The following AGTPBP1 variants were observed in gnomAD, a reference collection of about 807,000 sequenced individuals.
AGTPBP1 encodes cytosolic carboxypeptidase 1.
A neutral mutation model predicts 143.9 loss-of-function variants in AGTPBP1; 70 were observed. The observed-to-expected ratio is 0.49, with a 90% CI of 0.40 to 0.59. The LOEUF (loss-of-function observed/expected upper bound fraction) is 0.59. Ranked by LOEUF, AGTPBP1 falls within the 20% of genes least tolerant of loss-of-function variation. The pLI, the probability that AGTPBP1 is intolerant of heterozygous loss-of-function variation, is 0.00. For missense variants in AGTPBP1, 1,229 were observed against 1,464.5 expected (o/e 0.84, Z 2.62); for synonymous variants, 463 against 500.2 (o/e 0.93, Z 0.99).
rs574311896 is a variant in AGTPBP1, at chr9:85,652,101, C to T, written c.1087+3042G>A. Among the ~76,000 whole-genome samples, 178 of 152,286 alleles carry T rather than the reference C, an allele frequency of 1.2e-3. 1 individual carries two copies. The highest frequency in any genetic ancestry group is 3.4e-3 in the Middle Eastern group (1 of 294). ...GACAGTTGGAACTTCAGCCCCACTC[C>T]TCAACCTCTGGGGAGAGAGGAGCTG... On this transcript the variant is annotated intron_variant, in intron 11 of 25. Coordinates refer to ENST00000357081, the MANE Select transcript of AGTPBP1 (RefSeq NM_001330701.2).
chr9:85,608,776 T>C (rs1461375946), intron 17 of AGTPBP1, among the ~76,000 whole-genome samples: 1 of 151,458 alleles, frequency 6.6e-6, no homozygotes, highest in Non-Finnish European at 1.5e-5. Flanking sequence ...AAAACAGAAA[T>C]ATTACAAACT....
Position 85,678,348 on chromosome 9 carries a change from C to T in AGTPBP1, c.276G>A (p.Glu92=), listed in dbSNP as rs371158632. Residue 92 remains glutamate, a synonymous_variant, in exon 5 of 26, where the codon GAG becomes GAA. Transcript: ENST00000357081. ...TTLNILSILV[E]LVSAGGGRRV... ...ACAAAAACTTACCAGCTGACACCAG[C>T]TCAACAAGAATGCTTAAGATATTAA... 1.9e-6 allele frequency: 3 copies of T among 1,595,484 alleles called. No homozygotes were observed. Among genetic ancestry groups the T allele is most frequent in the Non-Finnish European group, 2.6e-6 (3 of 1,168,400 alleles).
chr9:85,735,044 T>A (rs1839150957), intron 1 of AGTPBP1, among the ~76,000 whole-genome samples: 1 of 152,016 alleles, frequency 6.6e-6, no homozygotes, highest in Admixed American at 6.6e-5. Context: ...AAAAAAATTT[T>A]AAAAATAAAT....
intron 17 of AGTPBP1, among the ~76,000 whole-genome samples, chr9:85,616,725 T>C (rs1830622894): frequency 6.6e-6 from 1 of 151,964 alleles, no homozygotes; most frequent in Admixed American, 6.5e-5. Flanking sequence ...TCTTTACTTA[T>C]TTTAATATAC....
chr9:85,767,505 G>A, the AGTPBP1 span, among the ~76,000 whole-genome samples: 1 of 152,100 alleles, frequency 6.6e-6, no homozygotes, highest in Non-Finnish European at 1.5e-5. Flanking sequence ...ACGCCATCAT[G>A]CTTGGCTAGT....
chr9:85,621,179 A>G (rs762321692), intron 15 of AGTPBP1, 23 bp downstream of exon 15: 1 of 1,329,218 alleles, frequency 7.5e-7, no homozygotes, highest in African/African-American at 1.5e-5. Flanking sequence ...AACTAATAAA[A>G]GTTCATTAAA....
At chr9:85,610,304 G>C (rs1307945698) in intron 17 of AGTPBP1, among the ~76,000 whole-genome samples, 1 of 149,952 alleles carries the variant, frequency 6.7e-6, no homozygotes, top group Non-Finnish European at 1.5e-5. Context: ...TCCAAGTAAT[G>C]GGGGGGTAAG....
At chr9:85,764,981 T>A in the AGTPBP1 span, 18 of 731,692 alleles carry the variant, frequency 2.5e-5, no homozygotes, top group Middle Eastern at 2.4e-4. Flanking sequence ...CTTGAGTGAT[T>A]TCCTCAGTCT....
intron 18 of AGTPBP1, among the ~76,000 whole-genome samples, chr9:85,593,244 A>G (rs1176526118): frequency 6.6e-6 from 1 of 152,218 alleles, no homozygotes. Context: ...CTAACAGTTT[A>G]TAGGAAATTG....
rs111464082 is a variant in AGTPBP1, at chr9:85,720,857, C to T, written c.-33-8291G>A. ...TAAATGTGTCCCAGAGATTCTGGTA[C>T]GTTGTGTCTTTGTTCTCATTGGTTT... is the stretch of plus-strand genomic sequence containing the variant. On this transcript the variant is annotated intron_variant, in intron 1 of 25. Coordinates refer to ENST00000357081, the MANE Select transcript of AGTPBP1 (RefSeq NM_001330701.2). Among the ~76,000 whole-genome samples, 61 of 152,228 alleles carry T rather than the reference C, an allele frequency of 4.0e-4. 1 individual carries two copies. Among genetic ancestry groups the T allele is most frequent in the African/African-American group, 1.3e-3 (53 of 41,550 alleles).
At chr9:85,711,809 A>G (rs1837394771) in intron 2 of AGTPBP1, among the ~76,000 whole-genome samples, 1 of 152,150 alleles carries the variant, frequency 6.6e-6, no homozygotes, top group African/African-American at 2.4e-5. Flanking sequence ...CCCTGTCATA[A>G]CTACTCGAAT....
intron 24 of AGTPBP1, among the ~76,000 whole-genome samples, chr9:85,577,561 A>T (rs1827975734): frequency 6.6e-6 from 1 of 152,168 alleles, no homozygotes; most frequent in Admixed American, 6.5e-5. Context: ...ACTAGAAGTC[A>T]CTGTTTTTAC....
intron 13 of AGTPBP1, 22 bp from the exon 14 acceptor site, chr9:85,633,396 T>G: frequency 1.4e-6 from 2 of 1,449,462 alleles, no homozygotes; most frequent in Non-Finnish European, 1.9e-6. Context: ...AAAACATGTT[T>G]AATCTTTTAA....
chr9:85,711,687 G>A (rs542626723), intron 2 of AGTPBP1, among the ~76,000 whole-genome samples: 9 of 151,818 alleles, frequency 5.9e-5, no homozygotes, highest in African/African-American at 1.4e-4. Context: ...TGACCCACCC[G>A]CCTCGACCTC....
At chr9:85,745,034 C>T (rs1411111776), upstream of AGTPBP1, among the ~76,000 whole-genome samples, 1 of 152,204 alleles carries the variant, frequency 6.6e-6, no homozygotes, top group Non-Finnish European at 1.5e-5. Flanking sequence ...ATTCATTTAA[C>T]TTGGATTCCT....
At chr9:85,769,365 C>G in the AGTPBP1 span, among the ~76,000 whole-genome samples, 1 of 151,750 alleles carries the variant, frequency 6.6e-6, no homozygotes, top group African/African-American at 2.4e-5. Flanking sequence ...TTTGTATCAC[C>G]AACATAACAT....
the AGTPBP1 span, among the ~76,000 whole-genome samples, chr9:85,787,192 G>T: frequency 6.6e-6 from 1 of 152,068 alleles, no homozygotes; most frequent in African/African-American, 2.4e-5. Flanking sequence ...AATTTATAAT[G>T]CTATCTTTTT....
chr9:85,605,439 A>C (rs1412156670), intron 17 of AGTPBP1, among the ~76,000 whole-genome samples: 1 of 151,772 alleles, frequency 6.6e-6, no homozygotes, highest in African/African-American at 2.4e-5. Flanking sequence ...TTCCCCAGAC[A>C]AAAAAAAGCT....
chr9:85,722,868 T>C (rs1393566800), intron 1 of AGTPBP1, among the ~76,000 whole-genome samples: 1 of 152,190 alleles, frequency 6.6e-6, no homozygotes, highest in Admixed American at 6.5e-5. Flanking sequence ...GAGGTGGATG[T>C]GCTTTTTTTT....
Sources: gnomAD v4.1 joint callset for allele counts (sites outside exome capture counted in the v4.1 genomes callset) on GRCh38, gnomAD v4.1.1 for gene constraint, MANE v1.5 for transcripts, NCBI Gene and HGNC (gene_info 2026-07-23, HGNC 2026-07-21) for gene names.